The following TREML2 variants were observed in gnomAD, a reference collection of about 807,000 sequenced individuals.
TREML2 encodes the protein trem-like transcript 2 protein.
In TREML2, 24 loss-of-function variants were observed where a neutral mutation model predicts 25.9. The ratio of observed to expected loss-of-function variants is 0.93; its 90% CI spans 0.67 to 1.30. TREML2 has a LOEUF of 1.30. TREML2 is among the 50% of genes most tolerant of loss of function. The probability of loss-of-function intolerance (pLI) is 0.00; values close to 1 mark genes in which losing one functional copy is unlikely to be tolerated. For missense variants in TREML2, 359 were observed against 395.6 expected, an observed-to-expected ratio of 0.91 and a Z score of 0.78; for synonymous variants, 139 against 155.2, an observed-to-expected ratio of 0.90 and a Z score of 0.77.
At chr6:41,200,835 T>C in intron 1 of TREML2, 119 bp downstream of exon 1, 1 of 936,542 alleles carries the variant, frequency 1.1e-6, no homozygotes, top group Non-Finnish European at 1.5e-6. Flanking sequence ...ATCTCCTCCT[T>C]CCCCAACCCA....
At chr6:41,197,704 G>A (rs186119102) in intron 2 of TREML2, among the ~76,000 whole-genome samples, 4 of 152,246 alleles carry the variant, frequency 2.6e-5, no homozygotes, top group Admixed American at 2.6e-4. Context: ...GATAATAAGT[G>A]TGCCTGTCAT....
At chr6:41,200,081 A>G (rs1008753734) in intron 1 of TREML2, among the ~76,000 whole-genome samples, 5 of 152,208 alleles carry the variant, frequency 3.3e-5, no homozygotes, top group African/African-American at 1.2e-4. Context: ...CTGTCCCACC[A>G]GAATCCAGGA....
intron 2 of TREML2, among the ~76,000 whole-genome samples, chr6:41,197,592 G>C (rs369574515): frequency 6.6e-6 from 1 of 152,188 alleles, no homozygotes; most frequent in African/African-American, 2.4e-5. Context: ...CCCCACCACC[G>C]AGTCGCTTAC....
At chr6:41,192,951 C>A (rs751164181) in intron 3 of TREML2, 50 bp from the exon 4 acceptor site, 1 of 1,451,710 alleles carries the variant, frequency 6.9e-7, no homozygotes, top group Non-Finnish European at 9.2e-7. Context: ...GGTCCCCCAT[C>A]CTAACCCACG....
Position 41,198,092 on chromosome 6 carries a change from C to T in TREML2, c.376+17G>A, listed in dbSNP as rs546675689. 2 of 1,567,732 alleles carry T rather than the reference C, an allele frequency of 1.3e-6. No individual in the cohort carries two copies. Among genetic ancestry groups the T allele is most frequent in the South Asian group, 2.4e-5 (2 of 84,278 alleles). ...GGACTCCCTCCACCCGTCCCAGAGC[C>T]ACTGCAGCCTGCTCACCTGGAGACA... is the stretch of plus-strand genomic sequence containing the variant. On this transcript the variant is annotated intron_variant, in intron 2 of 4. Transcript: ENST00000483722.
rs1282580794 is a variant in TREML2 at position 41,194,420 on chromosome 6, G to A, written c.785+5C>T. ...GTGCCACTCAACCCCAGGCCCCACAGGTACCTGATGGAGGGCATGGAGGGT... is the reference window on the plus strand; with the variant it reads ...GTGCCACTCAACCCCAGGCCCCACAAGTACCTGATGGAGGGCATGGAGGGT... On this transcript the variant is annotated splice_donor_5th_base_variant and intron_variant, in intron 3 of 4. Transcript: ENST00000483722. 6.4e-7 allele frequency: 1 copy of A among 1,550,648 alleles called. No individual in the cohort carries two copies. The highest frequency in any genetic ancestry group is 1.9e-5 in the Admixed American group (1 of 51,314).
intron 2 of TREML2, among the ~76,000 whole-genome samples, chr6:41,196,971 G>A (rs543952768): frequency 3.9e-5 from 6 of 152,182 alleles, no homozygotes; most frequent in East Asian, 1.9e-4. Flanking sequence ...TTTACCCTAC[G>A]CTATCAATGG....
chr6:41,192,969 C>G, intron 3 of TREML2, 68 bp from the exon 4 acceptor site: 5 of 1,310,676 alleles, frequency 3.8e-6, no homozygotes, highest in Non-Finnish European at 5.2e-6. Context: ...ACGTTGGGAT[C>G]GGACCAGCAG....
In TREML2 at chr6:41,194,551, T is replaced by C. The variant is rs531665321; in HGVS notation, c.659A>G (p.Asp220Gly). The change falls in exon 3 of 5, where the codon GAC becomes GGC. Residue 220 changes from aspartate to glycine, a missense_variant. By Grantham distance (94) the Asp-to-Gly change is moderately conservative (BLOSUM62 -1). Transcript: ENST00000483722. Reference protein sequence around the residue: ...TVTASPSNARDSSAGPESIST... With the variant: ...TVTASPSNARGSSAGPESIST... ...GATGGATTCTGGGCCAGCAGAGGAG[T>C]CCCTGGCATTGCTGGGAGACGCGGT... is the stretch of plus-strand genomic sequence containing the variant. 1.2e-6 allele frequency: 2 copies of C among 1,613,404 alleles called. No individual in the cohort carries two copies. Among genetic ancestry groups the C allele is most frequent in the Non-Finnish European group, 1.7e-6 (2 of 1,179,834 alleles).
rs1262074523 is a variant in TREML2, at chr6:41,189,975, T to C, written c.*2452A>G. Among the ~76,000 whole-genome samples, 1 of 152,192 alleles carries C rather than the reference T, an allele frequency of 6.6e-6. No individual in the cohort carries two copies. The highest frequency in any genetic ancestry group is 6.5e-5 in the Admixed American group (1 of 15,284). The stretch of plus-strand genomic sequence containing the variant: ...TTGAGTTACTTACTCCATATTGCTT[T>C]GTTCCCCTTACTGCACATGTCAGGG... On this transcript the variant is annotated 3_prime_UTR_variant, in exon 5 of 5. Coordinates refer to ENST00000483722, the MANE Select transcript of TREML2 (RefSeq NM_024807.4).
At chr6:41,193,683 T>C (rs1405455280) in intron 3 of TREML2, among the ~76,000 whole-genome samples, 1 of 151,510 alleles carries the variant, frequency 6.6e-6, no homozygotes, top group Non-Finnish European at 1.5e-5. Flanking sequence ...CACTTCCTAC[T>C]CCATGAGGCG....
intron 2 of TREML2, among the ~76,000 whole-genome samples, chr6:41,195,794 C>T (rs1766149210): frequency 1.3e-5 from 2 of 152,210 alleles, no homozygotes; most frequent in Admixed American, 1.3e-4. Flanking sequence ...CAAGCAATGA[C>T]ATCCAACAGG....
intron 1 of TREML2, among the ~76,000 whole-genome samples, chr6:41,198,937 A>T (rs1463898003): frequency 6.6e-6 from 1 of 152,202 alleles, no homozygotes; most frequent in Non-Finnish European, 1.5e-5. Flanking sequence ...ATCTCAGCTC[A>T]CTGTAACCTC....
chr6:41,191,018 C>T lies in TREML2; in HGVS notation c.*1409G>A, dbSNP rs1016437941. 2.0e-5 allele frequency: 3 copies of T among 152,868 alleles called. No homozygotes were observed. The highest frequency in any genetic ancestry group is 7.2e-5 in the African/African-American group (3 of 41,444). The allele number at this position is 152,868 out of a possible 1,614,324, so 9.5% of individuals were successfully genotyped here. ...CTCCCTGCCTCTTCCACTCTCCCCA[C>T]ATCCATCCTGAAGTGGCCCCTCTGG... On this transcript the variant is annotated 3_prime_UTR_variant, in exon 5 of 5. Coordinates refer to ENST00000483722, the MANE Select transcript of TREML2 (RefSeq NM_024807.4).
chr6:41,195,129 C>G (rs1395682234), intron 2 of TREML2, among the ~76,000 whole-genome samples: 1 of 152,226 alleles, frequency 6.6e-6, no homozygotes, highest in Non-Finnish European at 1.5e-5. Flanking sequence ...TCTCTTTTCA[C>G]TTTCCAGGCC....
rs111965172 is a variant in TREML2, at chr6:41,193,692, C to T, written c.785+733G>A. Among the ~76,000 whole-genome samples, 14 of 151,820 alleles carry T rather than the reference C, an allele frequency of 9.2e-5. No homozygotes were observed. The South Asian group carries it at 1.0e-3, about 11-fold the overall frequency. ...ATTTTCCACTTCCTACTCCATGAGG[C>T]GCATCCTTGCCCTATCCTCACCCTC... is the stretch of plus-strand genomic sequence containing the variant. On this transcript the variant is annotated intron_variant, in intron 3 of 4. Coordinates refer to ENST00000483722, the MANE Select transcript of TREML2 (RefSeq NM_024807.4).
intron 2 of TREML2, among the ~76,000 whole-genome samples, chr6:41,197,790 G>C (rs747705223): frequency 6.6e-6 from 1 of 152,184 alleles, no homozygotes; most frequent in Non-Finnish European, 1.5e-5. Flanking sequence ...CCCCATAATA[G>C]GGGCTCAATG....
At chr6:41,195,430 G>A (rs1212736961) in intron 2 of TREML2, among the ~76,000 whole-genome samples, 1 of 152,196 alleles carries the variant, frequency 6.6e-6, no homozygotes, top group Non-Finnish European at 1.5e-5. Flanking sequence ...AGGTGGAGGA[G>A]CTGTGAGGCA....
Position 41,198,430 on chromosome 6 carries a change from C to T in TREML2, c.56-1G>A, listed in dbSNP as rs1257252792. The T allele has an allele frequency of 6.2e-7, 1 of 1,605,272 alleles. No homozygotes were observed. The highest frequency in any genetic ancestry group is 8.5e-7 in the Non-Finnish European group (1 of 1,174,030). On this transcript the variant is annotated splice_acceptor_variant, in intron 1 of 4. Transcript: ENST00000483722. LOFTEE classifies it high-confidence loss of function. Reference sequence around the variant, plus strand: ...GTGTATACACTGTCAGCAGAGGGGCCTGTGGAGACAATACTTATTGAATAA... The same window carrying T: ...GTGTATACACTGTCAGCAGAGGGGCTTGTGGAGACAATACTTATTGAATAA...
Sources: gnomAD v4.1 joint callset for allele counts (sites outside exome capture counted in the v4.1 genomes callset) on GRCh38, gnomAD v4.1.1 for gene constraint, MANE v1.5 for transcripts, NCBI Gene and HGNC (gene_info 2026-07-23, HGNC 2026-07-21) for gene names.